Variants in ANK2 observed in about 807,000 individuals in gnomAD.
The protein encoded by ANK2 is ankyrin 2.
ANK2 carries 83 observed loss-of-function variants against 360.5 expected under a neutral mutation model. The observed-to-expected ratio is 0.23, with a 90% CI of 0.19 to 0.28. ANK2 has a LOEUF of 0.28. Ranked by LOEUF, ANK2 falls within the 10% of genes least tolerant of loss-of-function variation. The pLI is 1.00. For synonymous variants in ANK2, 1,740 were observed against 1,759.5 expected (o/e 0.99, Z 0.28); for missense variants, 4,201 against 4,795.7 (o/e 0.88, Z 3.66).
chr4:112,754,287 G>A, the ANK2 span, among the ~76,000 whole-genome samples: 11 of 151,220 alleles, frequency 7.3e-5, no homozygotes, highest in East Asian at 1.2e-3. Flanking sequence ...CCTAGTTAAC[G>A]TTGGTTCACC....
intron 1 of ANK2, among the ~76,000 whole-genome samples, chr4:112,829,808 A>G (rs974754074): frequency 1.3e-5 from 2 of 151,750 alleles, no homozygotes; most frequent in Non-Finnish European, 2.9e-5. Flanking sequence ...AGAAAAGCAA[A>G]ATTAGCTGGG....
At chr4:113,163,240 T>C (rs975037900) in intron 1 of ANK2, among the ~76,000 whole-genome samples, 4 of 152,164 alleles carry the variant, frequency 2.6e-5, no homozygotes, top group Admixed American at 2.6e-4. Flanking sequence ...TTCAGTATAA[T>C]GTCGACTTAT....
At chr4:112,783,369 T>A in the ANK2 span, among the ~76,000 whole-genome samples, 1 of 152,204 alleles carries the variant, frequency 6.6e-6, no homozygotes, top group East Asian at 1.9e-4. Flanking sequence ...TTTTTCTATG[T>A]CATAAATGCA....
chr4:113,062,708 A>G (rs2074056857), intron 1 of ANK2, among the ~76,000 whole-genome samples: 1 of 152,168 alleles, frequency 6.6e-6, no homozygotes. Context: ...AGTGATTAAT[A>G]CTTACGCAGA....
intron 10 of ANK2, among the ~76,000 whole-genome samples, chr4:113,254,115 G>A (rs1176207846): frequency 6.6e-6 from 1 of 152,166 alleles, no homozygotes; most frequent in Non-Finnish European, 1.5e-5. Flanking sequence ...TCTTCTCAGT[G>A]AGGCCATTTC....
At chr4:112,959,875 C>T (rs747985301) in intron 2 of ANK2, among the ~76,000 whole-genome samples, 5 of 152,094 alleles carry the variant, frequency 3.3e-5, no homozygotes, top group Non-Finnish European at 7.4e-5. Context: ...AAACTCCCTT[C>T]TTGAAATCTG....
chr4:113,138,855 T>C (rs2096540088), intron 1 of ANK2, among the ~76,000 whole-genome samples: 1 of 152,176 alleles, frequency 6.6e-6, no homozygotes, highest in African/African-American at 2.4e-5. Flanking sequence ...TATAAATATA[T>C]GTAGCTTAAT....
chr4:112,765,433 T>C, the ANK2 span, among the ~76,000 whole-genome samples: 1 of 152,198 alleles, frequency 6.6e-6, no homozygotes, highest in Non-Finnish European at 1.5e-5. Context: ...GAACGTCCCC[T>C]TTTGAATTTG....
At chr4:113,324,398 G>C (rs573036437) in intron 26 of ANK2, among the ~76,000 whole-genome samples, 2 of 152,044 alleles carry the variant, frequency 1.3e-5, no homozygotes, top group South Asian at 2.1e-4. Context: ...ATTTTTAAAG[G>C]TTCCTATTAG....
upstream of ANK2, among the ~76,000 whole-genome samples, chr4:112,814,094 C>G (rs1216773958): frequency 1.3e-5 from 2 of 152,212 alleles, no homozygotes; most frequent in Non-Finnish European, 2.9e-5. Context: ...AGAAATTCTG[C>G]TCAGAAGGCC....
At chr4:112,965,159 G>A (rs772634552) in intron 2 of ANK2, among the ~76,000 whole-genome samples, 2 of 152,018 alleles carry the variant, frequency 1.3e-5, no homozygotes, top group African/African-American at 2.4e-5. Context: ...CCTTGCTAGC[G>A]TTTGTCATTG....
At chr4:113,088,647 C>T (rs116370992) in intron 1 of ANK2, among the ~76,000 whole-genome samples, 3,061 of 151,742 alleles carry the variant, frequency 0.02, 52 homozygotes, top group Non-Finnish European at 0.034. Context: ...CTCCAAAAGA[C>T]GGTGAAACAG....
At chr4:112,828,350 C>T (rs1326364431) in intron 1 of ANK2, among the ~76,000 whole-genome samples, 1 of 150,178 alleles carries the variant, frequency 6.7e-6, no homozygotes, top group Non-Finnish European at 1.5e-5. Context: ...TTCTCTGCCT[C>T]AGCCTCCCTC....
chr4:113,032,834 T>G lies in ANK2; in HGVS notation c.21+128320T>G, dbSNP rs1409917740. On this transcript the variant is annotated intron_variant, in intron 2 of 30. Coordinates refer to the ANK2 transcript ENST00000503271. ...GAATACTCACTCAGGTGCTTGTAGA[T>G]AGATCTTTTCTGAAAATATCTGCTA... Among the ~76,000 whole-genome samples, 3 of 152,092 alleles carry G rather than the reference T, an allele frequency of 2.0e-5. No individual in the cohort carries two copies. The East Asian group carries it at 5.8e-4, about 29-fold the overall frequency.
At chr4:113,245,826 G>A (rs1480189339) in intron 9 of ANK2, among the ~76,000 whole-genome samples, 1 of 150,360 alleles carries the variant, frequency 6.7e-6, no homozygotes, top group East Asian at 1.9e-4. Flanking sequence ...TTTTTGAGAC[G>A]GAGTTTTCAC....
In ANK2 at chr4:113,358,227, A is replaced by G; in HGVS notation, c.9609A>G (p.Gln3203=). The change falls in exon 38 of 46, where the codon CAA becomes CAG. Residue 3203 remains glutamine, a synonymous_variant. Coordinates refer to ENST00000357077, the MANE Select transcript of ANK2 (RefSeq NM_001148.6). ...CTTCGGATGCTCAACTTAACTCCCA[A>G]ATGGGGATTTCAGCCTCCACTGAAA... The part of the protein sequence containing the change: ...IPASDAQLNS[Q]MGISASTETP... 1.9e-6 allele frequency: 3 copies of G among 1,614,076 alleles called. No homozygotes were observed. The highest frequency in any genetic ancestry group is 2.5e-6 in the Non-Finnish European group (3 of 1,179,964).
rs2153940303 is a variant in ANK2, at chr4:113,332,960, A to G, written c.3225-94A>G. 3.2e-6 allele frequency: 5 copies of G among 1,579,562 alleles called. No individual in the cohort carries two copies. In the East Asian group the frequency reaches 1.1e-4, roughly 35 times the overall value. On this transcript the variant is annotated intron_variant, in intron 28 of 45. Coordinates refer to ENST00000357077, the MANE Select transcript of ANK2 (RefSeq NM_001148.6). ...ACTATGTCCCTGTCCCCAGCAAAAG[A>G]AGAATTCCAGGTCACTTTGCAACAG...
intron 1 of ANK2, among the ~76,000 whole-genome samples, chr4:113,080,206 A>C (rs970292011): frequency 2.0e-5 from 3 of 152,020 alleles, no homozygotes; most frequent in African/African-American, 7.2e-5. Flanking sequence ...GCCCACCCTG[A>C]CTTTCTTAAT....
chr4:113,162,604 A>C (rs1193054395), intron 1 of ANK2, among the ~76,000 whole-genome samples: 1 of 152,156 alleles, frequency 6.6e-6, no homozygotes, highest in Non-Finnish European at 1.5e-5. Flanking sequence ...TCTATTCTAA[A>C]TGTAAATAGT....
Sources: gnomAD v4.1 joint callset for allele counts (sites outside exome capture counted in the v4.1 genomes callset) on GRCh38, gnomAD v4.1.1 for gene constraint, MANE v1.5 for transcripts, NCBI Gene and HGNC (gene_info 2026-07-23, HGNC 2026-07-21) for gene names.